Variants in AP1M1 observed in about 807,000 individuals in gnomAD.
AP1M1 encodes the protein adaptor related protein complex 1 subunit mu 1.
AP1M1 carries 18 observed loss-of-function variants against 57.1 expected under a neutral mutation model. That is an observed-to-expected ratio of 0.32 (90% CI 0.22 to 0.47). The LOEUF is 0.47. Ranked by LOEUF, AP1M1 falls within the 20% of genes least tolerant of loss-of-function variation. The pLI is 1.00. For missense variants in AP1M1, 362 were observed against 593.5 expected (o/e 0.61, Z 4.05); for synonymous variants, 241 against 237.9 (o/e 1.01, Z -0.12).
rs1317767875 is a variant in AP1M1, at chr19:16,240,049, T to C, written c.*5614T>C. ...AGGTTTTCTTTTTTATTGTCATTAT[T>C]CCTTAAATAATACAGTATAATGATT... is the stretch of plus-strand genomic sequence containing the variant. On this transcript the variant is annotated 3_prime_UTR_variant, in exon 12 of 12. Transcript: ENST00000291439. 1 of 152,210 alleles carries C rather than the reference T, an allele frequency of 6.6e-6. No homozygotes were observed. Among genetic ancestry groups the C allele is most frequent in the African/African-American group, 2.4e-5 (1 of 41,452 alleles). The allele number at this position is 152,210 out of a possible 1,614,324, so 9.4% of individuals were successfully genotyped here.
In AP1M1 at chr19:16,203,441, C is replaced by T. The variant is rs1256235790; in HGVS notation, c.43-18C>T. 1.2e-6 allele frequency: 2 copies of T among 1,614,098 alleles called. No homozygotes were observed. The highest frequency in any genetic ancestry group is 1.7e-6 in the Non-Finnish European group (2 of 1,179,972). On this transcript the variant is annotated intron_variant, in intron 1 of 11. Coordinates refer to ENST00000291439, the MANE Select transcript of AP1M1 (RefSeq NM_032493.4). This position sits in a 1 kb window ranked among gnomAD's most constrained non-coding sequence, Gnocchi z 4.6. The stretch of plus-strand genomic sequence containing the variant: ...AACTGAAAATGCAAGCATCTTTTCT[C>T]TTCCTTCCCCACCCCAGGTGCTCAT...
At position 16,228,213 on chromosome 19, in the gene AP1M1, G is replaced by A. The variant is rs201329546; in HGVS notation, c.888+5G>A. On this transcript the variant is annotated splice_donor_5th_base_variant and intron_variant, in intron 8 of 11. Coordinates refer to ENST00000291439, the MANE Select transcript of AP1M1 (RefSeq NM_032493.4). The surrounding 1 kb of genome is among the most constrained non-coding windows in gnomAD (Gnocchi z 5.0). ...CGCATCGAGTACATGATCAAGGTGC[G>A]TGGGCCGAGGCCACCCACTGAGGGC... 66 of 1,613,216 alleles carry A rather than the reference G, an allele frequency of 4.1e-5. No individual in the cohort carries two copies. Among genetic ancestry groups the A allele is most frequent in the East Asian group, 1.6e-4 (7 of 44,870 alleles).
At chr19:16,231,658 C>G (rs1458004746) in intron 9 of AP1M1, among the ~76,000 whole-genome samples, 1 of 152,176 alleles carries the variant, frequency 6.6e-6, no homozygotes, top group Non-Finnish European at 1.5e-5. Flanking sequence ...CTCAGGTGAT[C>G]TGCCTGCTTC....
Position 16,198,107 on chromosome 19 carries a change from C to A in AP1M1, c.42+39C>A, listed in dbSNP as rs746570141. 1.9e-6 allele frequency: 3 copies of A among 1,590,318 alleles called. No homozygotes were observed. The South Asian group carries it at 3.4e-5, about 18-fold the overall frequency. On this transcript the variant is annotated intron_variant, in intron 1 of 11. Coordinates refer to ENST00000291439, the MANE Select transcript of AP1M1 (RefSeq NM_032493.4). ...CCCACCCTCCCTGTTGCCAGGCAAC[C>A]GGCAGGGGCCTCCGCCCGCGGGGAC...
In AP1M1 at chr19:16,227,476, A is replaced by C; in HGVS notation, c.674-72A>C. 6.4e-7 allele frequency: 1 copy of C among 1,552,702 alleles called. No individual in the cohort carries two copies. Among genetic ancestry groups the C allele is most frequent in the Admixed American group, 1.7e-5 (1 of 57,918 alleles). Reference sequence around the variant, plus strand: ...GCCCTGCTCTGCCGGGGTGGGTTGCAGGTGGTAGGAGTACTGCTGAGATAG... The same window carrying C: ...GCCCTGCTCTGCCGGGGTGGGTTGCCGGTGGTAGGAGTACTGCTGAGATAG... On this transcript the variant is annotated intron_variant, in intron 6 of 11. Transcript: ENST00000291439. This position sits in a 1 kb window ranked among gnomAD's most constrained non-coding sequence, Gnocchi z 6.2.
Position 16,241,321 on chromosome 19 carries a change from AAGAC to A in AP1M1, c.*6888_*6891del, listed in dbSNP as rs2091644798. ...TGAGATTCTGTCTCAAAAAAAAAAA[AAGAC>A]AAGATAAAAACAATTTATCAATAAC... On this transcript the variant is annotated 3_prime_UTR_variant, in exon 12 of 12. Coordinates refer to ENST00000291439, the MANE Select transcript of AP1M1 (RefSeq NM_032493.4). 6.6e-6 allele frequency: 1 copy of A among 151,808 alleles called. No homozygotes were observed. Among genetic ancestry groups the A allele is most frequent in the Admixed American group, 6.6e-5 (1 of 15,212 alleles). The allele number at this position is 151,808 out of a possible 1,614,324, so 9.4% of individuals were successfully genotyped here.
intron 5 of AP1M1, among the ~76,000 whole-genome samples, chr19:16,216,399 T>C (rs2091519334): frequency 6.6e-6 from 1 of 151,312 alleles, no homozygotes; most frequent in Non-Finnish European, 1.5e-5. Flanking sequence ...GAGCCGAGAT[T>C]GCACCACTGC....
chr19:16,217,288 G>A (rs993584071), intron 5 of AP1M1, among the ~76,000 whole-genome samples: 15 of 152,050 alleles, frequency 9.9e-5, no homozygotes, highest in African/African-American at 2.9e-4. Flanking sequence ...TGACAACAAC[G>A]GTGGTGGGAG....
At chr19:16,229,332 G>T (rs1205555027) in intron 9 of AP1M1, among the ~76,000 whole-genome samples, 1 of 152,288 alleles carries the variant, frequency 6.6e-6, no homozygotes, top group Non-Finnish European at 1.5e-5. Flanking sequence ...GGGAACGGCT[G>T]CCTGTAGGCC....
chr19:16,198,254 T>C (rs1053368374), intron 1 of AP1M1, 186 bp downstream of exon 1: 2 of 467,414 alleles, frequency 4.3e-6, no homozygotes, highest in Non-Finnish European at 7.4e-6. Flanking sequence ...CTTAAGTGGG[T>C]AATCCCCGCC....
chr19:16,219,734 T>C (rs2362484), intron 5 of AP1M1, among the ~76,000 whole-genome samples: 102,792 of 152,086 alleles, frequency 0.68, 36,395 homozygotes, highest in Non-Finnish European at 0.8. Flanking sequence ...ATGCACGTAG[T>C]CTGAAGGTAA....
rs1439794325 is a variant in AP1M1 at position 16,228,062 on chromosome 19, C to T, written c.817-75C>T. ...TGGGCAGATGGTCCCTTGCCCTGGGCCTTGGTTTCCCCTCTGAAATGGGCC... is the reference window on the plus strand; with the variant it reads ...TGGGCAGATGGTCCCTTGCCCTGGGTCTTGGTTTCCCCTCTGAAATGGGCC... On this transcript the variant is annotated intron_variant, in intron 7 of 11. Transcript: ENST00000291439. The surrounding 1 kb of genome is among the most constrained non-coding windows in gnomAD (Gnocchi z 5.0). The T allele has an allele frequency of 6.8e-7, 1 of 1,467,374 alleles. No individual in the cohort carries two copies. Among genetic ancestry groups the T allele is most frequent in the Non-Finnish European group, 9.5e-7 (1 of 1,057,140 alleles). 90.9% of individuals were successfully genotyped at this position (1,467,374 alleles called of 1,614,324 possible).
intron 5 of AP1M1, among the ~76,000 whole-genome samples, chr19:16,218,233 G>A (rs1485273692): frequency 6.6e-6 from 1 of 152,236 alleles, no homozygotes; most frequent in Non-Finnish European, 1.5e-5. Context: ...TTTAGTAAAA[G>A]TTCTGTTTAT....
At chr19:16,198,441 CG>C (rs1052557318) in intron 1 of AP1M1, 52 of 164,612 alleles carry the variant, frequency 3.2e-4, no homozygotes, top group Non-Finnish European at 3.9e-4. Flanking sequence ...GACCCTTGGC[CG>C]GGGGTGGCGA....
At position 16,244,358 on chromosome 19, in the gene AP1M1, G is replaced by A. The variant is rs571378808; in HGVS notation, c.*9923G>A. On this transcript the variant is annotated 3_prime_UTR_variant, in exon 12 of 12. Coordinates refer to ENST00000291439, the MANE Select transcript of AP1M1 (RefSeq NM_032493.4). The stretch of plus-strand genomic sequence containing the variant: ...AATTGTAAACAGTGTACTCACATCA[G>A]GCACAAGGAAAGTGATCTCAGACGG... 1 of 152,164 alleles carries A rather than the reference G, an allele frequency of 6.6e-6. No homozygotes were observed. The highest frequency in any genetic ancestry group is 6.5e-5 in the Admixed American group (1 of 15,272). The allele number at this position is 152,164 out of a possible 1,614,324, so 9.4% of individuals were successfully genotyped here.
In AP1M1 at chr19:16,227,499, T is replaced by C; in HGVS notation, c.674-49T>C. ...GCAGGTGGTAGGAGTACTGCTGAGA[T>C]AGTGACCCGGAGGGCCCAGATCTGT... On this transcript the variant is annotated intron_variant, in intron 6 of 11. Transcript: ENST00000291439. This position sits in a 1 kb window ranked among gnomAD's most constrained non-coding sequence, Gnocchi z 6.2. 6.3e-7 allele frequency: 1 copy of C among 1,591,550 alleles called. No homozygotes were observed. The highest frequency in any genetic ancestry group is 8.6e-7 in the Non-Finnish European group (1 of 1,162,368).
chr19:16,229,618 C>T (rs1455228040), intron 9 of AP1M1, among the ~76,000 whole-genome samples: 2 of 152,116 alleles, frequency 1.3e-5, no homozygotes, highest in African/African-American at 4.8e-5. Flanking sequence ...TGGGGACAGC[C>T]CCAGCTGAGT....
chr19:16,227,634 T>G lies in AP1M1; in HGVS notation c.760T>G (p.Ser254Ala). ...LSRFENDRTI[S>A]FIPPDGEFEL... ...ACGCTTCGAGAATGACCGCACCATC[T>G]CCTTCATCCCACCCGACGGCGAGTT... Residue 254 changes from serine to alanine, a missense_variant, in exon 7 of 12, where the codon TCC becomes GCC. This residue lies in a region of AP1M1 where 337 missense variants were observed against 511.1 expected (regional missense o/e 0.66). Transcript: ENST00000291439. This position sits in a 1 kb window ranked among gnomAD's most constrained non-coding sequence, Gnocchi z 6.2. The G allele has an allele frequency of 1.2e-6, 2 of 1,613,994 alleles. No individual in the cohort carries two copies. The highest frequency in any genetic ancestry group is 1.7e-6 in the Non-Finnish European group (2 of 1,179,932).
At chr19:16,226,388 G>C in intron 5 of AP1M1, 33 bp from the exon 6 acceptor site, 1 of 1,511,292 alleles carries the variant, frequency 6.6e-7, no homozygotes. Flanking sequence ...GTGAGTTGGG[G>C]ACCTCCCCTC....
Sources: allele counts gnomAD v4.1 joint callset (sites outside exome capture counted in the v4.1 genomes callset), GRCh38; gene constraint gnomAD v4.1.1; regional missense constraint gnomAD v4.1.1; non-coding constraint Gnocchi (gnomAD v3.1); transcripts MANE v1.5; gene names NCBI Gene and HGNC (gene_info 2026-07-23, HGNC 2026-07-21).